Variants in CCDC171 observed in about 807,000 individuals in gnomAD.
CCDC171 encodes coiled-coil domain containing 171, also known as coiled-coil domain-containing protein 171.
CCDC171 carries 177 observed loss-of-function variants against 168.2 expected under a neutral mutation model. That is an observed-to-expected ratio of 1.05 (90% confidence interval 0.93 to 1.19). The LOEUF (loss-of-function observed/expected upper bound fraction) is 1.19, where lower values mean the gene tolerates loss of function less well. Ranked by LOEUF, CCDC171 falls within the 50% of genes most tolerant of loss-of-function variation. The pLI, the probability that CCDC171 is intolerant of heterozygous loss-of-function variation, is 0.00. For synonymous variants in CCDC171, 687 were observed against 540.8 expected (o/e 1.27, Z -3.75); for missense variants, 1,991 against 1,539.0 (o/e 1.29, Z -4.91).
intron 16 of CCDC171, among the ~76,000 whole-genome samples, chr9:15,740,889 C>G (rs2054832447): frequency 6.6e-6 from 1 of 152,086 alleles, no homozygotes; most frequent in South Asian, 2.1e-4. Context: ...TATCAATTTA[C>G]TTAGGAATAA....
intron 21 of CCDC171, among the ~76,000 whole-genome samples, chr9:15,846,144 A>G (rs1270294268): frequency 6.6e-6 from 1 of 152,084 alleles, no homozygotes; most frequent in African/African-American, 2.4e-5. Flanking sequence ...AAGCAAGTAG[A>G]TTTTATTTTG....
At chr9:15,810,033 G>C (rs561079020) in intron 21 of CCDC171, among the ~76,000 whole-genome samples, 1 of 152,166 alleles carries the variant, frequency 6.6e-6, no homozygotes, top group Non-Finnish European at 1.5e-5. Flanking sequence ...GTCCCCACTA[G>C]ATGAGCTAGA....
At chr9:15,892,656 A>G (rs1346031330) in intron 24 of CCDC171, among the ~76,000 whole-genome samples, 2 of 152,160 alleles carry the variant, frequency 1.3e-5, no homozygotes, top group Admixed American at 6.6e-5. Context: ...CCGAAAGTCA[A>G]ATCATGAATG....
chr9:16,034,418 G>T (rs1158071021), intron 6 of CCDC171, among the ~76,000 whole-genome samples: 1 of 152,208 alleles, frequency 6.6e-6, no homozygotes, highest in Non-Finnish European at 1.5e-5. Flanking sequence ...TTTTCAACGG[G>T]TGGTAAACTG....
At chr9:15,809,773 C>G (rs776954773) in intron 21 of CCDC171, among the ~76,000 whole-genome samples, 1 of 152,116 alleles carries the variant, frequency 6.6e-6, no homozygotes, top group South Asian at 2.1e-4. Context: ...TTGCAAAGAG[C>G]GAAAGAACAA....
intron 3 of CCDC171, among the ~76,000 whole-genome samples, chr9:15,990,868 AGAG>A (rs1832168995): frequency 6.6e-6 from 1 of 152,258 alleles, no homozygotes; most frequent in Non-Finnish European, 1.5e-5. Flanking sequence ...TTCAACAAGA[AGAG>A]CTAGGTATCC....
chr9:15,743,138 C>CTT (rs66642691), intron 16 of CCDC171, among the ~76,000 whole-genome samples: 34 of 73,240 alleles, frequency 4.6e-4, no homozygotes, highest in Non-Finnish European at 5.9e-4. Flanking sequence ...CTGTTACCTT[C>CTT]TTTTTTTTTT....
chr9:16,065,359 T>C (rs1053271259), downstream of CCDC171, among the ~76,000 whole-genome samples: 2 of 152,014 alleles, frequency 1.3e-5, no homozygotes, highest in Non-Finnish European at 2.9e-5. Flanking sequence ...TGGGAAAAGC[T>C]TGTGGGCCAG....
intron 16 of CCDC171, among the ~76,000 whole-genome samples, chr9:15,737,473 G>C (rs918037386): frequency 1.3e-5 from 2 of 152,102 alleles, no homozygotes; most frequent in Non-Finnish European, 2.9e-5. Context: ...AGAAAGAAGG[G>C]AGATATAGGA....
At chr9:15,997,624 T>G (rs943068177) in intron 3 of CCDC171, among the ~76,000 whole-genome samples, 3 of 152,144 alleles carry the variant, frequency 2.0e-5, no homozygotes, top group African/African-American at 7.2e-5. Flanking sequence ...GTATTTGATC[T>G]AAGTGCTATA....
chr9:15,590,785 C>CTCTTTCTTTCT (rs1554693087), intron 4 of CCDC171, among the ~76,000 whole-genome samples: 2 of 61,320 alleles, frequency 3.3e-5, no homozygotes, highest in Non-Finnish European at 8.0e-5. Context: ...TTCTTTCTTT[C>CTCTTTCTTTCT]TTTCTTTCTT....
intron 24 of CCDC171, among the ~76,000 whole-genome samples, chr9:15,911,354 GTGTC>G (rs1375833653): frequency 2.6e-5 from 4 of 152,146 alleles, no homozygotes; most frequent in African/African-American, 9.7e-5. Context: ...CTTATGAAAA[GTGTC>G]TGCTCATATC....
intron 9 of CCDC171, among the ~76,000 whole-genome samples, chr9:15,673,388 G>C (rs1377081319): frequency 6.6e-6 from 1 of 152,086 alleles, no homozygotes; most frequent in African/African-American, 2.4e-5. Flanking sequence ...CCAACACTAT[G>C]TTGAATTAAG....
At chr9:15,633,038 C>G (rs890956480) in intron 7 of CCDC171, among the ~76,000 whole-genome samples, 4 of 152,216 alleles carry the variant, frequency 2.6e-5, no homozygotes, top group Non-Finnish European at 5.9e-5. Context: ...GGATTAAAGA[C>G]TTAAACGTTA....
chr9:16,045,010 G>T (rs1833637155), intron 1 of CCDC171, among the ~76,000 whole-genome samples: 1 of 152,202 alleles, frequency 6.6e-6, no homozygotes, highest in African/African-American at 2.4e-5. Context: ...AGAGGTTACT[G>T]CTTGTCTTAT....
chr9:15,635,956 G>A (rs538587741), intron 7 of CCDC171, among the ~76,000 whole-genome samples: 4 of 152,206 alleles, frequency 2.6e-5, no homozygotes, highest in African/African-American at 9.6e-5. Context: ...AGCTGTTATT[G>A]TCACTCTTTT....
intron 6 of CCDC171, among the ~76,000 whole-genome samples, chr9:15,599,481 C>T (rs1454401161): frequency 1.3e-5 from 2 of 152,172 alleles, no homozygotes; most frequent in African/African-American, 4.8e-5. Context: ...TTGGCCCCCA[C>T]TCTCTCCTGG....
intron 14 of CCDC171, 88 bp downstream of exon 14, chr9:15,725,064 A>G (rs1169966746): frequency 5.2e-6 from 5 of 960,738 alleles, no homozygotes; most frequent in Non-Finnish European, 8.1e-6. Flanking sequence ...CTTGTATTTA[A>G]TTAAGAAAAT....
At chr9:15,697,791 C>A (rs2051328697) in intron 11 of CCDC171, among the ~76,000 whole-genome samples, 1 of 152,192 alleles carries the variant, frequency 6.6e-6, no homozygotes, top group Non-Finnish European at 1.5e-5. Flanking sequence ...TTGATGGCTG[C>A]TGACTCATCA....
Sources: allele counts gnomAD v4.1 joint callset (sites outside exome capture counted in the v4.1 genomes callset), GRCh38; gene constraint gnomAD v4.1.1; transcripts MANE v1.5; gene names NCBI Gene and HGNC (gene_info 2026-07-23, HGNC 2026-07-21).